Variants in FAM90A1 observed in about 807,000 individuals in gnomAD.
FAM90A1 encodes the protein family with sequence similarity 90 member A1, also known as protein FAM90A1.
FAM90A1 carries 10 observed loss-of-function variants against 14.8 expected under a neutral mutation model. The observed-to-expected ratio is 0.67, with a 90% CI of 0.42 to 1.14. The LOEUF (loss-of-function observed/expected upper bound fraction) is 1.14. FAM90A1 is among the 50% of genes most tolerant of loss of function. The pLI, the probability that FAM90A1 is intolerant of heterozygous loss-of-function variation, is 0.00. For synonymous variants in FAM90A1, 236 were observed against 248.4 expected (o/e 0.95, Z 0.47); for missense variants, 567 against 602.8 (o/e 0.94, Z 0.62).
chr12:8,223,558 C>T lies in FAM90A1; in HGVS notation c.324-1G>A, dbSNP rs747393897. 36 of 1,528,144 alleles carry T rather than the reference C, an allele frequency of 2.4e-5. No individual in the cohort carries two copies. The South Asian group carries it at 3.9e-4, about 17-fold the overall frequency. The allele number at this position is 1,528,144 out of a possible 1,614,324, so 94.7% of individuals were successfully genotyped here. ...AGCCTTCCTCTGCGGGTCTTGTGGCCTGCAGAACAGAAAAAGGTCAGGCCG... is the reference window on the plus strand; with the variant it reads ...AGCCTTCCTCTGCGGGTCTTGTGGCTTGCAGAACAGAAAAAGGTCAGGCCG... On this transcript the variant is annotated splice_acceptor_variant, in intron 5 of 6. Coordinates refer to ENST00000538603, the MANE Select transcript of FAM90A1 (RefSeq NM_018088.3). LOFTEE classifies it high-confidence loss of function.
At chr12:8,224,513 C>A (rs1948897903) in intron 4 of FAM90A1, among the ~76,000 whole-genome samples, 197 bp downstream of exon 4, 1 of 152,234 alleles carries the variant, frequency 6.6e-6, no homozygotes, top group African/African-American at 2.4e-5. Context: ...AGGGAGGTTG[C>A]CCCCAAGAGT....
At chr12:8,223,810 C>T (rs979028069) in intron 5 of FAM90A1, among the ~76,000 whole-genome samples, 1 of 152,194 alleles carries the variant, frequency 6.6e-6, no homozygotes, top group African/African-American at 2.4e-5. Flanking sequence ...CACGAAGCGC[C>T]CCCGCCCCTC....
At chr12:8,227,437 T>C in intron 1 of FAM90A1, 43 bp downstream of exon 1, 1 of 500,968 alleles carries the variant, frequency 2.0e-6, no homozygotes, top group Non-Finnish European at 3.6e-6. Context: ...GACAGAAGGC[T>C]GGGTCCACCC....
chr12:8,225,448 A>G (rs1407880749), intron 3 of FAM90A1, among the ~76,000 whole-genome samples: 2 of 152,204 alleles, frequency 1.3e-5, no homozygotes, highest in African/African-American at 2.4e-5. Flanking sequence ...TTTTGGCTTT[A>G]GCTCCAGCCC....
At chr12:8,225,357 A>G (rs1338121183) in intron 3 of FAM90A1, among the ~76,000 whole-genome samples, 2 of 152,094 alleles carry the variant, frequency 1.3e-5, no homozygotes, top group Non-Finnish European at 2.9e-5. Flanking sequence ...TTCATTAGGC[A>G]ACTTCCAAAC....
In FAM90A1 at chr12:8,223,524, G is replaced by A; in HGVS notation, c.357C>T (p.His119=). Residue 119 remains histidine (H), a synonymous_variant, in exon 6 of 7, where the codon CAC becomes CAT. Transcript: ENST00000538603. ...PQDPQRKALL[H]IFSRKPPEKP... is the part of the protein sequence containing the mutation. ...TCTCTGGAGGTTTCCTGGAAAATAT[G>A]TGGAGGAGAGCCTTCCTCTGCGGGT... 6.3e-7 allele frequency: 1 copy of A among 1,595,966 alleles called. No individual in the cohort carries two copies. Among genetic ancestry groups the A allele is most frequent in the Non-Finnish European group, 8.6e-7 (1 of 1,164,912 alleles).
rs1158655774 is a variant in FAM90A1, at chr12:8,224,017, T to G, written c.322A>C (p.Arg108=). The change falls in exon 5 of 7, where the codon AGG becomes CGG. Residue 108 remains arginine (R), a splice_region_variant and synonymous_variant. Transcript: ENST00000538603. ...KDKGEKEERP[R]PQDPQRKALL... ...GTGAAAACCACTCCCACTGCTCACC[T>G]TGGTCTCTCTTCCTTCTCTCCCTTA... 1.9e-6 allele frequency: 3 copies of G among 1,611,866 alleles called. No homozygotes were observed. In the African/African-American group the frequency reaches 4.0e-5, roughly 22 times the overall value.
At position 8,224,760 on chromosome 12, in the gene FAM90A1, T is replaced by C; in HGVS notation, c.73A>G (p.Arg25Gly). ...GGAGCCCTTGGCCCAACTGGGGCCCTCCGCTGCTTCTGGAGGGTCTGGGCT... is the reference window on the plus strand; with the variant it reads ...GGAGCCCTTGGCCCAACTGGGGCCCCCCGCTGCTTCTGGAGGGTCTGGGCT... ...VRAQTLQKQRRAPVGPRAPPP... is the reference protein window; with the variant it reads ...VRAQTLQKQRGAPVGPRAPPP... The change falls in exon 4 of 7, where the codon AGG becomes GGG. Residue 25 changes from arginine (R) to glycine (G), a missense_variant. Coordinates refer to ENST00000538603, the MANE Select transcript of FAM90A1 (RefSeq NM_018088.3). The C allele has an allele frequency of 6.3e-7, 1 of 1,588,930 alleles. No individual in the cohort carries two copies.
At chr12:8,227,458 C>T (rs1477054722) in intron 1 of FAM90A1, 22 bp downstream of exon 1, 1 of 556,766 alleles carries the variant, frequency 1.8e-6, no homozygotes, top group Non-Finnish European at 3.1e-6. Context: ...AGTGGGCGGT[C>T]GGGTGCCAGG....
At chr12:8,224,917 G>C (rs111512714) in intron 3 of FAM90A1, 29 bp from the exon 4 acceptor site, 3 of 1,471,968 alleles carry the variant, frequency 2.0e-6, no homozygotes, top group Non-Finnish European at 2.8e-6. Context: ...CACACAAGTC[G>C]ATGGTTAAGC....
At chr12:8,224,353 G>A (rs1948894674) in intron 4 of FAM90A1, 138 bp from the exon 5 acceptor site, 2 of 808,066 alleles carry the variant, frequency 2.5e-6, no homozygotes, top group East Asian at 2.6e-5. Flanking sequence ...GGGCCGTTAA[G>A]TGCTGGGAGA....
intron 6 of FAM90A1, 113 bp from the exon 7 acceptor site, chr12:8,222,897 G>A (rs1270604856): frequency 3.3e-6 from 4 of 1,214,874 alleles, no homozygotes; most frequent in South Asian, 1.3e-5. Flanking sequence ...GTACACTATC[G>A]ACAGGCGGTC....
intron 4 of FAM90A1, 105 bp from the exon 5 acceptor site, chr12:8,224,320 C>A (rs1271671957): frequency 2.9e-6 from 3 of 1,027,630 alleles, no homozygotes; most frequent in East Asian, 2.5e-5. Flanking sequence ...AATAAGGATT[C>A]CAAAGAGGGG....
chr12:8,221,587 TG>T lies in FAM90A1; in HGVS notation c.*234del. ...GAATCACTGGCACGGAAGCTTTTCC[TG>T]GCGCGTTTCCAGAGAACCATGCGAA... On this transcript the variant is annotated 3_prime_UTR_variant, in exon 7 of 7. Transcript: ENST00000538603. 1 of 590,608 alleles carries T rather than the reference TG, an allele frequency of 1.7e-6. No homozygotes were observed. Among genetic ancestry groups the T allele is most frequent in the South Asian group, 2.0e-5 (1 of 49,828 alleles). 36.6% of individuals were successfully genotyped at this position (590,608 alleles called of 1,614,324 possible). A position where few individuals can be genotyped will look rare whatever the true frequency, so the allele number is the denominator to read the frequency against.
Position 8,223,984 on chromosome 12 carries a change from T to C in FAM90A1, c.323+32A>G, listed in dbSNP as rs748707402. On this transcript the variant is annotated intron_variant, in intron 5 of 6. Coordinates refer to ENST00000538603, the MANE Select transcript of FAM90A1 (RefSeq NM_018088.3). ...ACCATGTCCTTAGGAGGCAGTACCC[T>C]AAGAGTGGTGAAAACCACTCCCACT... is the stretch of plus-strand genomic sequence containing the variant. 2.9e-5 allele frequency: 46 copies of C among 1,598,410 alleles called. No individual in the cohort carries two copies. In the East Asian group the frequency reaches 9.8e-4, roughly 34 times the overall value.
Position 8,227,045 on chromosome 12 carries a change from C to T in FAM90A1, c.-421+435G>A, listed in dbSNP as rs752611384. 2.0e-5 allele frequency among the ~76,000 whole-genome samples: 3 copies of T among 152,238 alleles called. No homozygotes were observed. The South Asian group carries it at 6.2e-4, about 32-fold the overall frequency. ...CTTGAACTCCTGACCTCAGGTGATCCACCTGCCTTGGCCTCCCAATATGCT... is the reference window on the plus strand; with the variant it reads ...CTTGAACTCCTGACCTCAGGTGATCTACCTGCCTTGGCCTCCCAATATGCT... On this transcript the variant is annotated intron_variant, in intron 1 of 6. Coordinates refer to ENST00000538603, the MANE Select transcript of FAM90A1 (RefSeq NM_018088.3).
rs201066119 is a variant in FAM90A1 at position 8,222,340 on chromosome 12, A to G, written c.877T>C (p.Ser293Pro). The G allele has an allele frequency of 1.4e-5, 23 of 1,611,528 alleles. No individual in the cohort carries two copies. Among genetic ancestry groups the G allele is most frequent in the Middle Eastern group, 2.2e-4 (1 of 4,454 alleles). Residue 293 changes from serine to proline, a missense_variant, in exon 7 of 7, where the codon TCT becomes CCT. Coordinates refer to ENST00000538603, the MANE Select transcript of FAM90A1 (RefSeq NM_018088.3). ...CAAGCCTGAATCGGAGCCGGGGCAG[A>G]TCTCTTGGCTCCTGGCCCGAAGCTG... ...NLSFGPGAKR[S>P]APAPIQACLN...
At chr12:8,223,301 A>G in intron 6 of FAM90A1, 148 bp downstream of exon 6, 1 of 623,954 alleles carries the variant, frequency 1.6e-6, no homozygotes, top group Non-Finnish European at 2.9e-6. Context: ...CTGGAATCAA[A>G]TTGACCTGGA....
Position 8,222,115 on chromosome 12 carries a change from G to T in FAM90A1, c.1102C>A (p.Pro368Thr), listed in dbSNP as rs751824794. Residue 368 changes from proline to threonine, a missense_variant, in exon 7 of 7, where the codon CCT becomes ACT. Transcript: ENST00000538603. ...CAGGCCTGGGCAGTAGGCAGGCAAG[G>T]TCTGCTGTGCGGAGGCTGCCGGTCG... ...SGDRQPPHSR[P>T]CLPTAQACTM... The T allele has an allele frequency of 5.6e-6, 9 of 1,611,672 alleles. No homozygotes were observed. The highest frequency in any genetic ancestry group is 1.1e-5 in the South Asian group (1 of 91,000).
Sources: gnomAD v4.1 joint callset for allele counts (sites outside exome capture counted in the v4.1 genomes callset) on GRCh38, gnomAD v4.1.1 for gene constraint, MANE v1.5 for transcripts, NCBI Gene and HGNC (gene_info 2026-07-23, HGNC 2026-07-21) for gene names.